Variants in NKAIN3 observed in about 807,000 individuals in gnomAD.
The protein encoded by NKAIN3 is sodium/potassium-transporting ATPase subunit beta-1-interacting protein 3.
A neutral mutation model predicts 30.2 loss-of-function variants in NKAIN3; 25 were observed. The observed-to-expected ratio is 0.83, with a 90% CI of 0.60 to 1.16. NKAIN3 has a LOEUF of 1.16. Ranked by LOEUF, NKAIN3 falls within the 50% of genes most tolerant of loss-of-function variation. The pLI is 0.00. For synonymous variants in NKAIN3, 91 were observed against 89.6 expected, an observed-to-expected ratio of 1.02 and a Z score of -0.09; for missense variants, 225 against 254.1, an observed-to-expected ratio of 0.89 and a Z score of 0.78.
intron 4 of NKAIN3, among the ~76,000 whole-genome samples, chr8:62,892,174 T>A (rs971190418): frequency 1.3e-5 from 2 of 152,222 alleles, no homozygotes; most frequent in African/African-American, 4.8e-5. Flanking sequence ...TAGAGGTATC[T>A]GTATGTATTA....
chr8:62,503,913 G>C (rs569189125), intron 1 of NKAIN3, among the ~76,000 whole-genome samples: 3 of 152,196 alleles, frequency 2.0e-5, no homozygotes. Context: ...ATCATCACAG[G>C]GTCCTGAGGT....
rs571005764 is a variant in NKAIN3, at chr8:62,385,714, C to T, written c.54+136587C>T. Reference sequence around the variant, plus strand: ...GTCAAACCCTTTCACATCTCTAACTCCTTGGAACTACTGATGTGTTCTTTG... The same window carrying T: ...GTCAAACCCTTTCACATCTCTAACTTCTTGGAACTACTGATGTGTTCTTTG... On this transcript the variant is annotated intron_variant, in intron 1 of 6. Coordinates refer to ENST00000623646, the MANE Select transcript of NKAIN3 (RefSeq NM_001304533.3). Among the ~76,000 whole-genome samples the T allele has an allele frequency of 1.6e-4, 25 of 152,252 alleles. 1 individual carries two copies. The highest frequency in any genetic ancestry group is 6.0e-4 in the African/African-American group (25 of 41,554).
At chr8:62,663,952 G>T (rs1219621551) in intron 3 of NKAIN3, among the ~76,000 whole-genome samples, 1 of 151,720 alleles carries the variant, frequency 6.6e-6, no homozygotes, top group Non-Finnish European at 1.5e-5. Flanking sequence ...TGCACAGGAT[G>T]AAAAAAAATT....
chr8:62,377,784 A>G (rs1354192931), intron 1 of NKAIN3, among the ~76,000 whole-genome samples: 2 of 152,140 alleles, frequency 1.3e-5, no homozygotes, highest in African/African-American at 2.4e-5. Context: ...GCTTTCCGCC[A>G]TGGTTGTAAG....
chr8:62,259,204 A>G (rs1369801860), intron 1 of NKAIN3, among the ~76,000 whole-genome samples: 2 of 152,212 alleles, frequency 1.3e-5, no homozygotes, highest in Admixed American at 6.5e-5. Flanking sequence ...TTGGACAACA[A>G]TGAGAAGTTA....
intron 1 of NKAIN3, among the ~76,000 whole-genome samples, chr8:62,466,011 C>T (rs1806150541): frequency 6.6e-6 from 1 of 151,562 alleles, no homozygotes. Context: ...GGCAACAGAG[C>T]GAGAGTCCAT....
chr8:62,284,455 C>T (rs1813304037), intron 1 of NKAIN3, among the ~76,000 whole-genome samples: 2 of 151,972 alleles, frequency 1.3e-5, no homozygotes, highest in Admixed American at 1.3e-4. Context: ...GGAGAAACCC[C>T]ATCTCTACGA....
intron 3 of NKAIN3, among the ~76,000 whole-genome samples, chr8:62,663,886 A>G (rs150097951): frequency 6.6e-6 from 1 of 152,296 alleles, no homozygotes; most frequent in Non-Finnish European, 1.5e-5. Flanking sequence ...AAATTCAAAC[A>G]ATTCCAATGG....
chr8:62,444,657 T>C (rs1805427431), intron 1 of NKAIN3, among the ~76,000 whole-genome samples: 1 of 152,228 alleles, frequency 6.6e-6, no homozygotes, highest in Non-Finnish European at 1.5e-5. Flanking sequence ...CTATTGTAAA[T>C]AGTGCCAATC....
intron 4 of NKAIN3, among the ~76,000 whole-genome samples, chr8:62,819,624 T>G (rs1481585134): frequency 6.6e-6 from 1 of 152,066 alleles, no homozygotes; most frequent in Non-Finnish European, 1.5e-5. Flanking sequence ...CATCAGGAAT[T>G]AAAAAAATTT....
chr8:62,724,362 C>G (rs763710348), intron 3 of NKAIN3, among the ~76,000 whole-genome samples: 4 of 151,968 alleles, frequency 2.6e-5, no homozygotes, highest in Non-Finnish European at 4.4e-5. Flanking sequence ...ATCACCTCAA[C>G]CATTTATCTT....
At chr8:62,953,513 C>T (rs1823341005) in intron 5 of NKAIN3, among the ~76,000 whole-genome samples, 1 of 151,894 alleles carries the variant, frequency 6.6e-6, no homozygotes, top group African/African-American at 2.4e-5. Context: ...TCTAATGATG[C>T]AATACATATT....
intron 4 of NKAIN3, among the ~76,000 whole-genome samples, chr8:62,807,555 G>GTT (rs1563572065): frequency 5.6e-5 from 5 of 89,208 alleles, no homozygotes; most frequent in African/African-American, 1.6e-4. Flanking sequence ...ATTCTTTTCT[G>GTT]GTTTTTTTTT....
At chr8:62,683,582 G>T (rs1813711635) in intron 3 of NKAIN3, among the ~76,000 whole-genome samples, 1 of 152,156 alleles carries the variant, frequency 6.6e-6, no homozygotes, top group South Asian at 2.1e-4. Context: ...GTACTCTGTT[G>T]AATCTCACCT....
intron 3 of NKAIN3, among the ~76,000 whole-genome samples, chr8:62,660,175 A>T (rs1812900129): frequency 6.6e-6 from 1 of 152,174 alleles, no homozygotes; most frequent in Non-Finnish European, 1.5e-5. Flanking sequence ...AGCAACAATC[A>T]TGAGACCTGG....
At chr8:62,566,226 G>T in intron 1 of NKAIN3, among the ~76,000 whole-genome samples, 1 of 152,244 alleles carries the variant, frequency 6.6e-6, no homozygotes, top group African/African-American at 2.4e-5. Context: ...TTGTAAAGGT[G>T]CCTTGAATAT....
At chr8:62,956,390 C>A (rs921536207) in intron 6 of NKAIN3, among the ~76,000 whole-genome samples, 2 of 152,176 alleles carry the variant, frequency 1.3e-5, no homozygotes, top group African/African-American at 4.8e-5. Context: ...TTCCCAGGTA[C>A]ATGTATGTGA....
intron 5 of NKAIN3, among the ~76,000 whole-genome samples, chr8:62,995,103 C>T (rs1804078082): frequency 6.6e-6 from 1 of 152,168 alleles, no homozygotes; most frequent in Non-Finnish European, 1.5e-5. Flanking sequence ...TTTACATTTG[C>T]ACATTCCCAT....
In NKAIN3 at chr8:62,968,433, A is replaced by G. The variant is rs145801672; in HGVS notation, c.*3026A>G. On this transcript the variant is annotated 3_prime_UTR_variant, in exon 7 of 7. Transcript: ENST00000623646. ...AAGACATGGTCACTACATGCACTGT[A>G]TGTTCTTGCCAAACCTCAGCTTCTC... is the stretch of plus-strand genomic sequence containing the variant. Among the ~76,000 whole-genome samples the G allele has an allele frequency of 1.9e-4, 29 of 152,320 alleles. No homozygotes were observed. The highest frequency in any genetic ancestry group is 6.5e-4 in the African/African-American group (27 of 41,564).
Sources: allele counts gnomAD v4.1 joint callset (sites outside exome capture counted in the v4.1 genomes callset), GRCh38; gene constraint gnomAD v4.1.1; transcripts MANE v1.5; gene names NCBI Gene and HGNC (gene_info 2026-07-23, HGNC 2026-07-21).